The following RANBP2 variants were observed in gnomAD, a reference collection of about 807,000 sequenced individuals.
RANBP2 encodes E3 SUMO-protein ligase RanBP2.
RANBP2 carries 57 observed loss-of-function variants against 303.6 expected under a neutral mutation model. That is an observed-to-expected ratio of 0.19 (90% CI 0.15 to 0.23). The LOEUF is 0.23. Among genes scored for constraint, RANBP2 ranks in the 10% least tolerant of loss-of-function variants. The probability of loss-of-function intolerance (pLI) is 1.00; values close to 1 mark genes in which losing one functional copy is unlikely to be tolerated. For missense variants in RANBP2, 3,138 were observed against 3,780.8 expected, an observed-to-expected ratio of 0.83 and a Z score of 4.46; for synonymous variants, 1,167 against 1,301.5, an observed-to-expected ratio of 0.90 and a Z score of 2.23.
At chr2:108,811,245 C>CTTTTTTTTTTTTTTTTTTTTTTTTTT in the RANBP2 span, among the ~76,000 whole-genome samples, 11 of 109,608 alleles carry the variant, frequency 1.0e-4, no homozygotes, top group Non-Finnish European at 1.5e-4. Context: ...CTTTCTCTCT[C>CTTTTTTTTTTTTTTTTTTTTTTTTTT]TCTTTTTTTT....
chr2:108,773,057 C>T lies in RANBP2; in HGVS notation c.8292+11C>T. On this transcript the variant is annotated intron_variant, in intron 23 of 28. Coordinates refer to ENST00000283195, the MANE Select transcript of RANBP2 (RefSeq NM_006267.5). ...GTTCAGGAAGCTCAAGTAAGAACATCTCTAATAAATTTTCCTTCTAGTTCC... is the reference window on the plus strand; with the variant it reads ...GTTCAGGAAGCTCAAGTAAGAACATTTCTAATAAATTTTCCTTCTAGTTCC... The T allele has an allele frequency of 6.2e-7, 1 of 1,603,038 alleles. No homozygotes were observed. Among genetic ancestry groups the T allele is most frequent in the Non-Finnish European group, 8.5e-7 (1 of 1,173,100 alleles).
At chr2:108,786,974 C>A, downstream of RANBP2, 1 of 1,208,606 alleles carries the variant, frequency 8.3e-7, no homozygotes, top group South Asian at 1.9e-5. Flanking sequence ...CGGCCCGCTC[C>A]GTGCCCCGCG....
intron 19 of RANBP2, 148 bp from the exon 20 acceptor site, chr2:108,763,089 A>G (rs1676851336): frequency 5.1e-6 from 5 of 971,000 alleles, no homozygotes; most frequent in Non-Finnish European, 6.3e-6. Flanking sequence ...AGCCTCTGGC[A>G]TAAACGGGTT....
At chr2:109,053,116 T>C in the RANBP2 span, among the ~76,000 whole-genome samples, 3 of 152,262 alleles carry the variant, frequency 2.0e-5, no homozygotes, top group Middle Eastern at 3.4e-3. Context: ...TTGCTGTGAG[T>C]GGACCCCAGT....
chr2:109,119,932 T>C, the RANBP2 span, among the ~76,000 whole-genome samples: 2 of 152,262 alleles, frequency 1.3e-5, no homozygotes, highest in Non-Finnish European at 2.9e-5. Context: ...AGAAATGTAA[T>C]TGAATGATGT....
the RANBP2 span, among the ~76,000 whole-genome samples, chr2:108,820,690 T>G: frequency 3.1e-5 from 4 of 130,286 alleles, no homozygotes; most frequent in East Asian, 6.7e-4. Context: ...GGATGATACA[T>G]TCAAAGTGCA....
At chr2:109,590,579 T>C in the RANBP2 span, among the ~76,000 whole-genome samples, 1 of 152,062 alleles carries the variant, frequency 6.6e-6, no homozygotes, top group Admixed American at 6.5e-5. Context: ...TTATAGGTGC[T>C]TGCCACCACA....
At chr2:109,705,782 T>C in the RANBP2 span, among the ~76,000 whole-genome samples, 1 of 152,186 alleles carries the variant, frequency 6.6e-6, no homozygotes, top group Non-Finnish European at 1.5e-5. Context: ...AAGGAGCTCT[T>C]GGACTCTTAC....
chr2:109,459,692 C>T, the RANBP2 span, among the ~76,000 whole-genome samples: 6 of 152,240 alleles, frequency 3.9e-5, no homozygotes, highest in South Asian at 2.1e-4. Flanking sequence ...GATCCCAAAG[C>T]GGCTGAGTGG....
the RANBP2 span, among the ~76,000 whole-genome samples, chr2:109,178,984 T>C: frequency 4.1e-5 from 6 of 146,842 alleles, no homozygotes; most frequent in Middle Eastern, 7.3e-3. Flanking sequence ...AAATACTTTT[T>C]TTCTTATAAA....
the RANBP2 span, among the ~76,000 whole-genome samples, chr2:109,396,100 A>C: frequency 1.1e-4 from 16 of 152,198 alleles, no homozygotes; most frequent in Non-Finnish European, 2.1e-4. Context: ...GACTGCGCTC[A>C]CTGTGCCCTG....
At chr2:108,812,834 TATGACAATA>T in the RANBP2 span, 1 of 1,613,222 alleles carries the variant, frequency 6.2e-7, no homozygotes, top group Non-Finnish European at 8.5e-7. Context: ...AGTACGAGTT[TATGACAATA>T]CAGAGATTGA....
chr2:109,427,311 C>T, the RANBP2 span, among the ~76,000 whole-genome samples: 1 of 152,112 alleles, frequency 6.6e-6, no homozygotes, highest in Non-Finnish European at 1.5e-5. Context: ...TTTTTTTAGA[C>T]ATAATGCTAT....
chr2:108,742,284 A>G (rs1696172091), intron 7 of RANBP2, among the ~76,000 whole-genome samples: 1 of 151,162 alleles, frequency 6.6e-6, no homozygotes, highest in East Asian at 2.0e-4. Context: ...GCAGTGAGCC[A>G]CCATGCCCTG....
At chr2:108,843,878 G>GTTTC in the RANBP2 span, among the ~76,000 whole-genome samples, 1 of 44,156 alleles carries the variant, frequency 2.3e-5, no homozygotes, top group Non-Finnish European at 5.9e-5. Flanking sequence ...GTGTGTGTGT[G>GTTTC]TTTCTTTCTT....
the RANBP2 span, among the ~76,000 whole-genome samples, chr2:109,380,978 C>T: frequency 6.6e-6 from 1 of 152,236 alleles, no homozygotes; most frequent in Non-Finnish European, 1.5e-5. Flanking sequence ...TTGCTGATTG[C>T]CGACTGTTTT....
the RANBP2 span, among the ~76,000 whole-genome samples, chr2:109,684,566 C>A: frequency 7.3e-6 from 1 of 136,408 alleles, no homozygotes; most frequent in Non-Finnish European, 1.5e-5. Context: ...TGGAACCTTG[C>A]TCTGTCGTCC....
the RANBP2 span, among the ~76,000 whole-genome samples, chr2:109,670,937 T>G: frequency 6.6e-6 from 1 of 152,094 alleles, no homozygotes; most frequent in Non-Finnish European, 1.5e-5. Flanking sequence ...CTTGGGGAGC[T>G]GGGCACTATG....
chr2:109,115,170 A>G, the RANBP2 span, among the ~76,000 whole-genome samples: 2 of 152,132 alleles, frequency 1.3e-5, no homozygotes, highest in African/African-American at 4.8e-5. Context: ...GCTGAGTTCA[A>G]TTCCCGGGTA....
Sources: gnomAD v4.1 joint callset for allele counts (sites outside exome capture counted in the v4.1 genomes callset) on GRCh38, gnomAD v4.1.1 for gene constraint, MANE v1.5 for transcripts, NCBI Gene and HGNC (gene_info 2026-07-23, HGNC 2026-07-21) for gene names.